The following NUP214 variants were observed in gnomAD, a reference collection of about 807,000 sequenced individuals.
NUP214 encodes the protein nucleoporin 214.
Under a neutral mutation model 196.2 loss-of-function variants are expected in NUP214, and 79 were observed. That is an observed-to-expected ratio of 0.40 (90% CI 0.34 to 0.49). The LOEUF is 0.49. NUP214 is among the 20% of genes least tolerant of loss of function. The probability of loss-of-function intolerance (pLI) is 0.58; values close to 1 mark genes in which losing one functional copy is unlikely to be tolerated. For missense variants in NUP214, 2,468 were observed against 2,539.0 expected (o/e 0.97, Z 0.60); for synonymous variants, 1,020 against 990.5 (o/e 1.03, Z -0.56).
intron 13 of NUP214, among the ~76,000 whole-genome samples, chr9:131,147,156 T>A (rs1399268633): frequency 6.6e-6 from 1 of 152,012 alleles, no homozygotes; most frequent in Non-Finnish European, 1.5e-5. Context: ...TCGGCTAATT[T>A]TTAAATTTTT....
chr9:131,182,234 T>A (rs575388636), intron 24 of NUP214, among the ~76,000 whole-genome samples: 36 of 152,314 alleles, frequency 2.4e-4, no homozygotes, highest in Admixed American at 1.8e-3. Context: ...AAAAATAATT[T>A]AAAAAAATAA....
intron 29 of NUP214, among the ~76,000 whole-genome samples, chr9:131,199,665 T>C (rs554306589): frequency 2.0e-5 from 3 of 152,364 alleles, no homozygotes; most frequent in African/African-American, 4.8e-5. Flanking sequence ...CTAAAAGTTA[T>C]CAATAAGCAA....
Position 131,197,278 on chromosome 9 carries a change from A to G in NUP214, c.3784A>G (p.Lys1262Glu). The change falls in exon 29 of 36, where the codon AAA becomes GAA. Residue 1262 changes from lysine (K) to glutamate (E), a missense_variant. Around this residue, in one of 5 missense-constraint regions of NUP214, gnomAD observed 1,801 missense variants for 1,779.4 expected, o/e 1.01. Coordinates refer to ENST00000359428, the MANE Select transcript of NUP214 (RefSeq NM_005085.4). ...PDAFSSGGGS[K>E]PSYEAIPESS... is the part of the protein sequence containing the mutation. ...CGCATTCTCATCTGGTGGGGGAAGC[A>G]AACCTTCTTATGAGGCCATTCCTGA... 6.2e-7 allele frequency: 1 copy of G among 1,614,178 alleles called. No homozygotes were observed. The highest frequency in any genetic ancestry group is 8.5e-7 in the Non-Finnish European group (1 of 1,180,016).
At chr9:131,147,780 TA>T (rs1358776710) in intron 14 of NUP214, among the ~76,000 whole-genome samples, 196 bp downstream of exon 14, 3 of 152,266 alleles carry the variant, frequency 2.0e-5, no homozygotes, top group African/African-American at 7.2e-5. Flanking sequence ...TTTAATTTTT[TA>T]TTCATGTATA....
rs1189238460 is a variant in NUP214, at chr9:131,163,169, C to T, written c.2719C>T (p.His907Tyr). The part of the protein sequence containing the change: ...SSAVPSQSSI[H>Y]SFDSDLESLC... ...GGCTGTTCCTTCCCAGAGCAGCATT[C>T]ACAGGTGTGGAGAGGACTTGCACTC... The change falls in exon 19 of 36, where the codon CAC (histidine) becomes TAC (tyrosine). Residue 907 changes from histidine to tyrosine, a missense_variant. By Grantham distance (83) the His-to-Tyr change is moderately conservative. Transcript: ENST00000359428. 1.9e-6 allele frequency: 3 copies of T among 1,610,396 alleles called. No homozygotes were observed. Among genetic ancestry groups the T allele is most frequent in the South Asian group, 1.1e-5 (1 of 90,500 alleles).
In NUP214 at chr9:131,175,497, C is replaced by A. The variant is rs748252533; in HGVS notation, c.3195C>A (p.Ala1065=). Residue 1065 remains alanine (A), a synonymous_variant, in exon 23 of 36, where the codon GCC becomes GCA. Coordinates refer to ENST00000359428, the MANE Select transcript of NUP214 (RefSeq NM_005085.4). ...TSASKIIPQG[A]DSTMLATKTV... ...CTAGCAAAATTATTCCTCAAGGGGC[C>A]GATAGCACAATGCTTGCCACGAAAA... 1.9e-6 allele frequency: 3 copies of A among 1,614,190 alleles called. No homozygotes were observed. In the South Asian group the frequency reaches 3.3e-5, roughly 18 times the overall value.
At chr9:131,132,752 G>A in intron 6 of NUP214, 93 bp downstream of exon 6, 3 of 1,081,528 alleles carry the variant, frequency 2.8e-6, no homozygotes, top group African/African-American at 1.6e-5. Context: ...GCTCAGTGAG[G>A]TATTGGTGTT....
intron 18 of NUP214, chr9:131,162,732 G>T: frequency 2.3e-6 from 1 of 436,364 alleles, no homozygotes; most frequent in Non-Finnish European, 4.1e-6. Context: ...GCCTCTCTCA[G>T]GTTTCACCTA....
intron 31 of NUP214, among the ~76,000 whole-genome samples, chr9:131,220,213 G>A (rs913341368): frequency 1.3e-5 from 2 of 152,096 alleles, no homozygotes; most frequent in Non-Finnish European, 2.9e-5. Flanking sequence ...ATCTTCTACA[G>A]TGAAATATTG....
intron 10 of NUP214, among the ~76,000 whole-genome samples, chr9:131,139,691 T>C (rs982615354): frequency 6.6e-6 from 1 of 152,206 alleles, no homozygotes; most frequent in Non-Finnish European, 1.5e-5. Flanking sequence ...CTGGTTGAAA[T>C]ATAGAACATC....
chr9:131,223,666 T>C (rs1304228226), intron 32 of NUP214, among the ~76,000 whole-genome samples: 4 of 150,594 alleles, frequency 2.7e-5, no homozygotes, highest in Non-Finnish European at 5.9e-5. Flanking sequence ...TAATTTCTAA[T>C]GTGTATGTTA....
intron 26 of NUP214, 131 bp from the exon 27 acceptor site, chr9:131,192,077 A>G: frequency 1.7e-6 from 1 of 573,740 alleles, no homozygotes; most frequent in Non-Finnish European, 2.9e-6. Flanking sequence ...CTGACGTGTC[A>G]CAGAAGGCAC....
chr9:131,167,976 C>T (rs893085423), intron 21 of NUP214, among the ~76,000 whole-genome samples: 3 of 152,202 alleles, frequency 2.0e-5, no homozygotes, highest in East Asian at 1.9e-4. Flanking sequence ...CCCCAACCTC[C>T]GTGGCTGAAG....
At chr9:131,129,791 A>G (rs993062231) in intron 4 of NUP214, among the ~76,000 whole-genome samples, 5 of 151,924 alleles carry the variant, frequency 3.3e-5, no homozygotes, top group South Asian at 2.1e-4. Flanking sequence ...TTTTGTAGAG[A>G]CAAGGTTTCA....
intron 30 of NUP214, among the ~76,000 whole-genome samples, chr9:131,210,765 T>G (rs775863111): frequency 4.6e-5 from 7 of 152,140 alleles, no homozygotes; most frequent in Non-Finnish European, 1.0e-4. Flanking sequence ...CAATAGAAAT[T>G]ATCTAAAATG....
At chr9:131,135,814 A>C (rs554583338) in intron 8 of NUP214, 126 bp from the exon 9 acceptor site, 17 of 661,226 alleles carry the variant, frequency 2.6e-5, no homozygotes, top group Non-Finnish European at 4.2e-5. Context: ...TTGTTCAACC[A>C]GATAAAAAAC....
Position 131,189,078 on chromosome 9 carries a change from C to T in NUP214, c.3521C>T (p.Pro1174Leu), listed in dbSNP as rs1446230822. Reference protein sequence around the residue: ...KQGSLINSLKPSGPTPASGQL... With the variant: ...KQGSLINSLKLSGPTPASGQL... ...GGGTCTCTAATAAATTCCCTTAAGC[C>T]ATCTGGGCCTACACCAGCATCCGGT... Residue 1174 changes from proline to leucine, a missense_variant, in exon 26 of 36, where the codon CCA becomes CTA. Pro to Leu is a moderately conservative substitution (Grantham distance 98, BLOSUM62 -3). This residue lies in a region of NUP214 where 1,801 missense variants were observed against 1,779.4 expected (regional missense o/e 1.01). Transcript: ENST00000359428. The T allele has an allele frequency of 1.2e-6, 2 of 1,613,814 alleles. No individual in the cohort carries two copies. Among genetic ancestry groups the T allele is most frequent in the Non-Finnish European group, 8.5e-7 (1 of 1,179,872 alleles).
rs779087523 is a variant in NUP214, at chr9:131,134,999, G to C, written c.933G>C (p.Glu311Asp). ...RQHHYYLSYI[E>D]EWDLVLAASA... ...ATCATTACTACCTCAGTTACATTGA[G>C]GAATGGTGAGCAGAGAGTCTGGACA... Residue 311 changes from glutamate (E) to aspartate (D), a missense_variant, in exon 8 of 36, where the codon GAG (glutamate) becomes GAC (aspartate). Coordinates refer to ENST00000359428, the MANE Select transcript of NUP214 (RefSeq NM_005085.4). The C allele has an allele frequency of 6.2e-7, 1 of 1,606,308 alleles. No individual in the cohort carries two copies. The highest frequency in any genetic ancestry group is 8.5e-7 in the Non-Finnish European group (1 of 1,173,062).
At chr9:131,138,077 A>T (rs1032088781) in intron 9 of NUP214, among the ~76,000 whole-genome samples, 1 of 152,050 alleles carries the variant, frequency 6.6e-6, no homozygotes, top group Non-Finnish European at 1.5e-5. Context: ...TAAGTCACAT[A>T]GTGTGATTTC....
Sources: allele counts gnomAD v4.1 joint callset (sites outside exome capture counted in the v4.1 genomes callset), GRCh38; gene constraint gnomAD v4.1.1; regional missense constraint gnomAD v4.1.1; transcripts MANE v1.5; gene names NCBI Gene and HGNC (gene_info 2026-07-23, HGNC 2026-07-21).